Variants in KIF26B observed in about 807,000 individuals in gnomAD.
KIF26B encodes the protein kinesin family member 26B, also known as kinesin-like protein KIF26B.
A neutral mutation model predicts 151.2 loss-of-function variants in KIF26B; 63 were observed. The ratio of observed to expected loss-of-function variants is 0.42; its 90% CI spans 0.34 to 0.51. The LOEUF (loss-of-function observed/expected upper bound fraction) is 0.51. Ranked by LOEUF, KIF26B falls within the 20% of genes least tolerant of loss-of-function variation. The pLI is 0.07. For synonymous variants in KIF26B, 1,357 were observed against 1,262.1 expected (o/e 1.08, Z -1.59); for missense variants, 2,813 against 2,913.6 (o/e 0.97, Z 0.79).
intron 4 of KIF26B, among the ~76,000 whole-genome samples, chr1:245,513,213 C>CG (rs1464151707): frequency 2.0e-5 from 3 of 151,430 alleles, no homozygotes; most frequent in African/African-American, 4.9e-5. Flanking sequence ...CCTGCACCCC[C>CG]CCCCAACCCC....
chr1:245,247,147 T>A (rs3008477), intron 2 of KIF26B, among the ~76,000 whole-genome samples: 124,938 of 152,140 alleles, frequency 0.82, 51,627 homozygotes, highest in South Asian at 0.87. Context: ...ATTTCTTTTC[T>A]TTTTTTAATA....
intron 8 of KIF26B, 120 bp from the exon 9 acceptor site, chr1:245,611,673 G>T (rs185128998): frequency 3.5e-5 from 32 of 927,298 alleles, no homozygotes; most frequent in Non-Finnish European, 5.0e-5. Context: ...GCCTTAGAGG[G>T]GCACGTGGCT....
At chr1:245,670,618 G>C (rs1048387579) in intron 10 of KIF26B, among the ~76,000 whole-genome samples, 6 of 152,168 alleles carry the variant, frequency 3.9e-5, no homozygotes, top group Admixed American at 3.3e-4. Context: ...CAAGAGGTAG[G>C]AACAACCCAA....
At chr1:245,233,575 G>A (rs1384781071) in intron 2 of KIF26B, among the ~76,000 whole-genome samples, 1 of 152,104 alleles carries the variant, frequency 6.6e-6, no homozygotes, top group Non-Finnish European at 1.5e-5. Flanking sequence ...GAGAAACACT[G>A]CAGACTCTTA....
At chr1:245,287,901 T>C (rs1671194114) in intron 2 of KIF26B, among the ~76,000 whole-genome samples, 1 of 152,112 alleles carries the variant, frequency 6.6e-6, no homozygotes, top group Non-Finnish European at 1.5e-5. Flanking sequence ...CCTTTCCATC[T>C]TTCATACTTA....
intron 4 of KIF26B, among the ~76,000 whole-genome samples, chr1:245,536,997 G>C (rs1661500790): frequency 6.6e-6 from 1 of 152,132 alleles, no homozygotes; most frequent in African/African-American, 2.4e-5. Flanking sequence ...GTTTTGCTTG[G>C]GTTCAAGAAG....
At chr1:245,665,999 C>CTTTTTTTTT in intron 10 of KIF26B, among the ~76,000 whole-genome samples, 1 of 107,414 alleles carries the variant, frequency 9.3e-6, no homozygotes, top group Non-Finnish European at 1.8e-5. Context: ...ACATTATGTC[C>CTTTTTTTTT]TTTTTTTTTT....
At chr1:245,412,720 T>C (rs1436980929) in intron 3 of KIF26B, among the ~76,000 whole-genome samples, 4 of 152,340 alleles carry the variant, frequency 2.6e-5, no homozygotes, top group African/African-American at 9.6e-5. Context: ...AAGCTCCTCA[T>C]ACTGAGGTAT....
At chr1:245,663,727 G>C (rs765595453) in intron 10 of KIF26B, among the ~76,000 whole-genome samples, 1 of 152,118 alleles carries the variant, frequency 6.6e-6, no homozygotes, top group Non-Finnish European at 1.5e-5. Context: ...AGAACTAAGC[G>C]TGCAAACCTG....
In KIF26B at chr1:245,516,949, T is replaced by C. The variant is rs1279927554; in HGVS notation, c.1167-23818T>C. ...CTGCTCCCCACAGCTCCACGGCTGCTGCTTTCACCCCCACCTGACCATGGT... is the reference window on the plus strand; with the variant it reads ...CTGCTCCCCACAGCTCCACGGCTGCCGCTTTCACCCCCACCTGACCATGGT... On this transcript the variant is annotated intron_variant, in intron 4 of 14. Coordinates refer to ENST00000407071, the MANE Select transcript of KIF26B (RefSeq NM_018012.4). The surrounding 1 kb of genome is among the most constrained non-coding windows in gnomAD (Gnocchi z 4.2). Among the ~76,000 whole-genome samples the C allele has an allele frequency of 6.6e-6, 1 of 152,246 alleles. No homozygotes were observed. Among genetic ancestry groups the C allele is most frequent in the Admixed American group, 6.5e-5 (1 of 15,292 alleles).
At chr1:245,390,986 T>C (rs1036830437) in intron 3 of KIF26B, among the ~76,000 whole-genome samples, 4 of 101,006 alleles carry the variant, frequency 4.0e-5, no homozygotes, top group African/African-American at 6.4e-5. Flanking sequence ...AATTAAAAGA[T>C]AAAATTTTGA....
chr1:245,265,170 C>A (rs1670722439), intron 2 of KIF26B, among the ~76,000 whole-genome samples: 1 of 146,690 alleles, frequency 6.8e-6, no homozygotes, highest in Non-Finnish European at 1.5e-5. Flanking sequence ...CCACTGCATT[C>A]CAGTCTGGGT....
intron 2 of KIF26B, among the ~76,000 whole-genome samples, chr1:245,331,194 G>T (rs1220662548): frequency 1.3e-5 from 2 of 152,054 alleles, no homozygotes; most frequent in African/African-American, 4.8e-5. Context: ...CCGCGCGAGT[G>T]ACCGAGACAT....
chr1:245,457,920 G>A (rs1042299216), intron 4 of KIF26B, among the ~76,000 whole-genome samples: 8 of 152,288 alleles, frequency 5.3e-5, no homozygotes, highest in African/African-American at 1.9e-4. Context: ...GGAATTGATT[G>A]CTAAGTCATA....
At chr1:245,510,623 T>C (rs1424570154) in intron 4 of KIF26B, among the ~76,000 whole-genome samples, 1 of 150,354 alleles carries the variant, frequency 6.7e-6, no homozygotes, top group Admixed American at 6.6e-5. Context: ...TCTTCCCCTC[T>C]CTCCCTGTTT....
At chr1:245,329,528 C>T (rs563681560) in intron 2 of KIF26B, among the ~76,000 whole-genome samples, 1 of 152,350 alleles carries the variant, frequency 6.6e-6, no homozygotes, top group South Asian at 2.1e-4. Context: ...TATAGCCCAA[C>T]CCTCCATGTG....
At chr1:245,426,565 G>C (rs975172918) in intron 4 of KIF26B, among the ~76,000 whole-genome samples, 1 of 152,192 alleles carries the variant, frequency 6.6e-6, no homozygotes, top group African/African-American at 2.4e-5. Flanking sequence ...TGTGTTACCT[G>C]AACAGCATTC....
intron 2 of KIF26B, among the ~76,000 whole-genome samples, chr1:245,280,400 G>A (rs2102967563): frequency 6.7e-6 from 1 of 150,070 alleles, no homozygotes; most frequent in East Asian, 2.0e-4. Flanking sequence ...GCATAGTGGC[G>A]GGCGCCTATA....
intron 5 of KIF26B, among the ~76,000 whole-genome samples, chr1:245,592,029 T>G (rs956041658): frequency 3.9e-5 from 6 of 152,168 alleles, no homozygotes; most frequent in African/African-American, 1.4e-4. Flanking sequence ...TTTAGGGAAT[T>G]TCCTTCCCCC....
Sources: gnomAD v4.1 joint callset for allele counts (sites outside exome capture counted in the v4.1 genomes callset) on GRCh38, gnomAD v4.1.1 for gene constraint, Gnocchi (gnomAD v3.1) non-coding constraint, MANE v1.5 for transcripts, NCBI Gene and HGNC (gene_info 2026-07-23, HGNC 2026-07-21) for gene names.